The following POC1B variants were observed in gnomAD, a reference collection of about 807,000 sequenced individuals.
POC1B encodes the protein POC1 centriolar protein B.
In POC1B, 44 loss-of-function variants were observed where a neutral mutation model predicts 60.6. The ratio of observed to expected loss-of-function variants is 0.73; its 90% CI spans 0.57 to 0.93. POC1B has a LOEUF of 0.93. POC1B is among the 40% of genes least tolerant of loss of function. The probability of loss-of-function intolerance (pLI) is 0.00; values close to 1 mark genes in which losing one functional copy is unlikely to be tolerated. For missense variants in POC1B, 555 were observed against 572.3 expected (o/e 0.97, Z 0.31); for synonymous variants, 180 against 198.9 (o/e 0.90, Z 0.80).
chr12:89,422,937 GAAA>G (rs776289585), intron 11 of POC1B, among the ~76,000 whole-genome samples: 1 of 152,154 alleles, frequency 6.6e-6, no homozygotes, highest in African/African-American at 2.4e-5. Context: ...CATTACTAAT[GAAA>G]AATAATGGTG....
intron 2 of POC1B, chr12:89,524,474 C>T (rs774512582): frequency 6.2e-7 from 1 of 1,613,594 alleles, no homozygotes. Context: ...ACCAAGAGCT[C>T]CACGAAGATA....
intron 2 of POC1B, chr12:89,524,479 AAG>A: frequency 6.2e-7 from 1 of 1,613,478 alleles, no homozygotes; most frequent in Non-Finnish European, 8.5e-7. Flanking sequence ...GAGCTCCACG[AAG>A]ATATAGGCCA....
At chr12:89,486,885 T>C (rs1166264880) in intron 4 of POC1B, among the ~76,000 whole-genome samples, 2 of 151,336 alleles carry the variant, frequency 1.3e-5, no homozygotes, top group Non-Finnish European at 2.9e-5. Context: ...AAACTCTCTC[T>C]TTCTCTCTCT....
intron 4 of POC1B, among the ~76,000 whole-genome samples, chr12:89,476,778 ACAC>A: frequency 6.6e-6 from 1 of 150,920 alleles, no homozygotes; most frequent in East Asian, 1.9e-4. Context: ...AGACAGACAG[ACAC>A]TTTTATAAAA....
At chr12:89,404,086 C>T in the POC1B span, among the ~76,000 whole-genome samples, 29,675 of 151,142 alleles carry the variant, frequency 0.2, 3,304 homozygotes, top group South Asian at 0.35. Flanking sequence ...AAGCTGAGAT[C>T]GCGCCATTGT....
At chr12:89,427,058 T>C (rs1450106959) in intron 10 of POC1B, 1 of 152,084 alleles carries the variant, frequency 6.6e-6, no homozygotes, top group African/African-American at 2.4e-5. Flanking sequence ...ATCCTAAAAC[T>C]CATATGGAAA....
At chr12:89,409,037 T>C in the POC1B span, among the ~76,000 whole-genome samples, 2 of 152,168 alleles carry the variant, frequency 1.3e-5, no homozygotes, top group Admixed American at 1.3e-4. Flanking sequence ...GTCAGATGGG[T>C]AGATTGCAAA....
At chr12:89,446,819 T>C (rs1328187758) in intron 10 of POC1B, among the ~76,000 whole-genome samples, 1 of 152,078 alleles carries the variant, frequency 6.6e-6, no homozygotes, top group Non-Finnish European at 1.5e-5. Flanking sequence ...ATGAAATAGG[T>C]TGTTATAGGG....
At chr12:89,505,109 G>A (rs983795430) in intron 2 of POC1B, among the ~76,000 whole-genome samples, 1 of 152,106 alleles carries the variant, frequency 6.6e-6, no homozygotes, top group South Asian at 2.1e-4. Context: ...TAGTCATCAC[G>A]AAAACGTAAA....
chr12:89,511,805 G>C (rs1870202227), intron 2 of POC1B, among the ~76,000 whole-genome samples: 1 of 152,130 alleles, frequency 6.6e-6, no homozygotes, highest in Non-Finnish European at 1.5e-5. Flanking sequence ...TGTAATCTCA[G>C]CACTTTGGGA....
the POC1B span, among the ~76,000 whole-genome samples, chr12:89,403,224 G>A: frequency 6.6e-6 from 1 of 152,016 alleles, no homozygotes; most frequent in Non-Finnish European, 1.5e-5. Context: ...GCCAGGCTGG[G>A]TTCTAACTCC....
chr12:89,524,496 T>A (rs762798718), intron 2 of POC1B: 2 of 1,612,888 alleles, frequency 1.2e-6, no homozygotes, highest in South Asian at 2.2e-5. Context: ...AGGCCACTGT[T>A]AAAAACGCCA....
chr12:89,521,202 C>T (rs1426662157), intron 2 of POC1B: 3 of 151,194 alleles, frequency 2.0e-5, no homozygotes, highest in African/African-American at 7.3e-5. Flanking sequence ...CTCACAGGTT[C>T]ACGCCATTCT....
At chr12:89,505,311 AT>A (rs1476865403) in intron 2 of POC1B, among the ~76,000 whole-genome samples, 16 of 152,352 alleles carry the variant, frequency 1.1e-4, no homozygotes, top group Middle Eastern at 3.4e-3. Flanking sequence ...TGATTCAGCA[AT>A]TCCACTTCTA....
chr12:89,522,679 C>T (rs1164617702), intron 2 of POC1B: 6 of 1,197,398 alleles, frequency 5.0e-6, no homozygotes, highest in Non-Finnish European at 5.6e-6. Flanking sequence ...AAAATGAACC[C>T]CAGCTTTCCA....
intron 9 of POC1B, among the ~76,000 whole-genome samples, chr12:89,463,550 A>G (rs560120493): frequency 1.3e-5 from 2 of 152,324 alleles, no homozygotes; most frequent in South Asian, 4.1e-4. Flanking sequence ...ATAGCACAAC[A>G]TGGGTAGGGT....
intron 1 of POC1B, chr12:89,525,572 C>T (rs1239030323): frequency 4.1e-5 from 53 of 1,289,950 alleles, no homozygotes; most frequent in Non-Finnish European, 4.9e-5. Flanking sequence ...TTTAATACTT[C>T]CTAGGTGATT....
chr12:89,474,823 A>C (rs1459153544), intron 4 of POC1B, among the ~76,000 whole-genome samples: 2 of 152,210 alleles, frequency 1.3e-5, no homozygotes, highest in Non-Finnish European at 2.9e-5. Flanking sequence ...GAGAGGAACC[A>C]CGAGGCAGTG....
the POC1B span, among the ~76,000 whole-genome samples, chr12:89,412,597 A>G: frequency 6.6e-6 from 1 of 151,878 alleles, no homozygotes; most frequent in South Asian, 2.1e-4. Flanking sequence ...AATCCGCTTG[A>G]ACCCGGGAGG....
Sources: gnomAD v4.1 joint callset for allele counts (sites outside exome capture counted in the v4.1 genomes callset) on GRCh38, gnomAD v4.1.1 for gene constraint, MANE v1.5 for transcripts, NCBI Gene and HGNC (gene_info 2026-07-23, HGNC 2026-07-21) for gene names.